The following APBB2 variants were observed in gnomAD, a reference collection of about 807,000 sequenced individuals.
APBB2 encodes Fe65-like 1.
Under a neutral mutation model 82.5 loss-of-function variants are expected in APBB2, and 38 were observed. The ratio of observed to expected loss-of-function variants is 0.46; its 90% CI spans 0.36 to 0.60. The LOEUF (loss-of-function observed/expected upper bound fraction) is 0.60, where lower values mean the gene tolerates loss of function less well. Ranked by LOEUF, APBB2 falls within the 20% of genes least tolerant of loss-of-function variation. APBB2 has a pLI of 0.00. For missense variants in APBB2, 772 were observed against 972.3 expected, an observed-to-expected ratio of 0.79 and a Z score of 2.74; for synonymous variants, 341 against 368.2, an observed-to-expected ratio of 0.93 and a Z score of 0.85.
intron 2 of APBB2, among the ~76,000 whole-genome samples, chr4:41,141,692 G>C (rs1759258183): frequency 6.6e-6 from 1 of 152,174 alleles, no homozygotes; most frequent in Non-Finnish European, 1.5e-5. Context: ...CATGTGGCTG[G>C]GGAAGCCTCA....
intron 1 of APBB2, among the ~76,000 whole-genome samples, chr4:41,153,383 T>A (rs1425460366): frequency 6.6e-6 from 1 of 152,192 alleles, no homozygotes; most frequent in Non-Finnish European, 1.5e-5. Flanking sequence ...ACTAATCATC[T>A]TCTCCCAAAA....
chr4:40,845,558 A>G (rs1298710984), intron 12 of APBB2, among the ~76,000 whole-genome samples: 1 of 141,356 alleles, frequency 7.1e-6, no homozygotes, highest in Non-Finnish European at 1.5e-5. Context: ...TGGCATGTGT[A>G]ACTGGAATCC....
chr4:41,196,586 G>A, intron 1 of APBB2, among the ~76,000 whole-genome samples: 2 of 138,236 alleles, frequency 1.4e-5, no homozygotes, highest in Admixed American at 1.5e-4. Context: ...CTGTCGTTGA[G>A]AAAAGCCCCC....
chr4:40,850,892 C>T (rs1470065430), intron 12 of APBB2, among the ~76,000 whole-genome samples: 1 of 152,078 alleles, frequency 6.6e-6, no homozygotes, highest in Non-Finnish European at 1.5e-5. Flanking sequence ...CTGCAGTGAG[C>T]CGTGATCACA....
chr4:40,945,926 T>C lies in APBB2; in HGVS notation c.836-853A>G, dbSNP rs975523095. The stretch of plus-strand genomic sequence containing the variant: ...CCTGGCCAATACTCTAGAATTCTAA[T>C]TGCACGCAAAAGATTCCCAAGGAAG... On this transcript the variant is annotated intron_variant, in intron 6 of 17. Coordinates refer to ENST00000508593, the MANE Select transcript of APBB2 (RefSeq NM_004307.2). Among the ~76,000 whole-genome samples, 3 of 152,136 alleles carry C rather than the reference T, an allele frequency of 2.0e-5. No homozygotes were observed. In the East Asian group the frequency reaches 5.8e-4, roughly 29 times the overall value.
intron 10 of APBB2, among the ~76,000 whole-genome samples, chr4:40,931,244 A>G (rs116089855): frequency 0.015 from 2,238 of 152,236 alleles, 55 homozygotes; most frequent in African/African-American, 0.051. Flanking sequence ...AACACAAAAC[A>G]GGCAGGAATG....
chr4:40,875,628 A>G (rs971207336), intron 12 of APBB2, among the ~76,000 whole-genome samples: 11 of 152,200 alleles, frequency 7.2e-5, no homozygotes, highest in African/African-American at 2.4e-4. Flanking sequence ...GCACATTTCA[A>G]TTCAGACCAG....
At chr4:40,997,620 G>A (rs1472649339) in intron 6 of APBB2, among the ~76,000 whole-genome samples, 1 of 152,148 alleles carries the variant, frequency 6.6e-6, no homozygotes, top group Non-Finnish European at 1.5e-5. Context: ...AGGGAACTTC[G>A]AGGAGTCTCA....
chr4:40,893,167 C>A, intron 11 of APBB2, 98 bp downstream of exon 11: 1 of 1,439,098 alleles, frequency 6.9e-7, no homozygotes, highest in South Asian at 1.4e-5. Context: ...ATGAACACCT[C>A]GGAGCCCCTC....
intron 4 of APBB2, among the ~76,000 whole-genome samples, chr4:41,056,167 C>CG (rs1727781423): frequency 6.6e-6 from 1 of 151,254 alleles, no homozygotes; most frequent in Middle Eastern, 3.2e-3. Context: ...GCAACAAGAG[C>CG]TAAACTCCAT....
At chr4:40,982,604 AC>A (rs1232973839) in intron 6 of APBB2, among the ~76,000 whole-genome samples, 19 of 151,814 alleles carry the variant, frequency 1.3e-4, no homozygotes, top group African/African-American at 4.4e-4. Context: ...CCCCGTCTCT[AC>A]CAAAAATACA....
chr4:40,860,354 T>C (rs1235495842), intron 12 of APBB2, among the ~76,000 whole-genome samples: 1 of 152,194 alleles, frequency 6.6e-6, no homozygotes, highest in Non-Finnish European at 1.5e-5. Flanking sequence ...CCTGGACCAG[T>C]TGTCTATGCC....
intron 1 of APBB2, among the ~76,000 whole-genome samples, chr4:41,177,023 C>G (rs1770001305): frequency 6.6e-6 from 1 of 150,548 alleles, no homozygotes; most frequent in Non-Finnish European, 1.5e-5. Flanking sequence ...TGAGCAATGT[C>G]TAAATAGGCC....
At chr4:40,939,180 G>C (rs887209256) in intron 7 of APBB2, among the ~76,000 whole-genome samples, 15 of 152,132 alleles carry the variant, frequency 9.9e-5, no homozygotes, top group African/African-American at 3.6e-4. Flanking sequence ...CCCAGTTTCA[G>C]GTATTCTGTT....
chr4:41,054,417 C>T (rs76846514), intron 4 of APBB2, among the ~76,000 whole-genome samples: 6,678 of 152,144 alleles, frequency 0.044, 222 homozygotes, highest in Middle Eastern at 0.078. Flanking sequence ...AATTTACTGT[C>T]GAGGCTGATC....
intron 6 of APBB2, among the ~76,000 whole-genome samples, chr4:40,984,803 T>C (rs1799979806): frequency 6.6e-6 from 1 of 152,216 alleles, no homozygotes; most frequent in African/African-American, 2.4e-5. Context: ...TCTCATGTTG[T>C]GGGGAGTACA....
At position 40,944,889 on chromosome 4, in the gene APBB2, C is replaced by T. The variant is rs780522616; in HGVS notation, c.1020G>A (p.Thr340=). The T allele has an allele frequency of 6.8e-6, 11 of 1,612,888 alleles. No homozygotes were observed. The highest frequency in any genetic ancestry group is 4.4e-5 in the South Asian group (4 of 91,016). The part of the protein sequence containing the change: ...GSRKGSLSSV[T]PSPTPENEKQ... The stretch of plus-strand genomic sequence containing the variant: ...CCTCGTTCTCTGGGGTGGGAGATGG[C>T]GTTACAGAACTAAGTGACCCTTTCC... The change falls in exon 7 of 18, where the codon ACG becomes ACA. Residue 340 remains threonine, a synonymous_variant. Coordinates refer to ENST00000508593, the MANE Select transcript of APBB2 (RefSeq NM_004307.2).
intron 2 of APBB2, among the ~76,000 whole-genome samples, chr4:41,121,230 T>C (rs1363791482): frequency 6.6e-6 from 1 of 152,232 alleles, no homozygotes; most frequent in African/African-American, 2.4e-5. Flanking sequence ...ATGATACTTT[T>C]AAAAAATAAA....
Position 40,941,468 on chromosome 4 carries a change from G to A in APBB2, c.1044+3397C>T, listed in dbSNP as rs552781845. Among the ~76,000 whole-genome samples, 12 of 152,308 alleles carry A rather than the reference G, an allele frequency of 7.9e-5. No individual in the cohort carries two copies. The East Asian group carries it at 2.3e-3, about 29-fold the overall frequency. ...GACATATGATATTGTGAAGTTCGGG[G>A]TGGAAATAGGGGCCAGGAGACCTGA... On this transcript the variant is annotated intron_variant, in intron 7 of 17. Transcript: ENST00000508593.
Sources: gnomAD v4.1 joint callset for allele counts (sites outside exome capture counted in the v4.1 genomes callset) on GRCh38, gnomAD v4.1.1 for gene constraint, MANE v1.5 for transcripts, NCBI Gene and HGNC (gene_info 2026-07-23, HGNC 2026-07-21) for gene names.